Variants in MARCHF1 observed in about 807,000 individuals in gnomAD.
The protein encoded by MARCHF1 is membrane associated ring-CH-type finger 1, also known as E3 ubiquitin-protein ligase MARCHF1.
A neutral mutation model predicts 54.2 loss-of-function variants in MARCHF1; 40 were observed. The ratio of observed to expected loss-of-function variants is 0.74; its 90% CI spans 0.57 to 0.96. The LOEUF (loss-of-function observed/expected upper bound fraction) is 0.96, where lower values mean the gene tolerates loss of function less well. Ranked by LOEUF, MARCHF1 falls within the 40% of genes least tolerant of loss-of-function variation. MARCHF1 has a pLI of 0.00. For synonymous variants in MARCHF1, 236 were observed against 236.3 expected, an observed-to-expected ratio of 1.00 and a Z score of 0.01; for missense variants, 586 against 656.5, an observed-to-expected ratio of 0.89 and a Z score of 1.17.
chr4:164,157,910 AAAAACAACT>A (rs1385269183), intron 1 of MARCHF1, among the ~76,000 whole-genome samples: 1 of 152,172 alleles, frequency 6.6e-6, no homozygotes. Flanking sequence ...ATACACATGA[AAAAACAACT>A]GCAACAACAG....
At chr4:163,706,679 G>T (rs1248578106) in intron 4 of MARCHF1, among the ~76,000 whole-genome samples, 1 of 151,936 alleles carries the variant, frequency 6.6e-6, no homozygotes, top group East Asian at 1.9e-4. Context: ...TGACATATGA[G>T]TAGAATGCAG....
At chr4:163,927,865 G>A (rs185700783) in intron 3 of MARCHF1, among the ~76,000 whole-genome samples, 28 of 151,816 alleles carry the variant, frequency 1.8e-4, no homozygotes, top group Admixed American at 1.2e-3. Context: ...TCACACAAGC[G>A]GAGCTTCATG....
At chr4:164,048,994 G>A (rs547867757) in intron 2 of MARCHF1, among the ~76,000 whole-genome samples, 1 of 152,258 alleles carries the variant, frequency 6.6e-6, no homozygotes, top group South Asian at 2.1e-4. Context: ...ATTTAACACT[G>A]ATAGATGGCA....
At chr4:164,378,542 G>C (rs1437461039) in intron 1 of MARCHF1, among the ~76,000 whole-genome samples, 3 of 152,186 alleles carry the variant, frequency 2.0e-5, no homozygotes, top group South Asian at 2.1e-4. Flanking sequence ...ATCTGGGCTG[G>C]GTGCGGTGGC....
intron 2 of MARCHF1, among the ~76,000 whole-genome samples, chr4:164,080,663 TGTG>T (rs1755076198): frequency 2.0e-5 from 3 of 150,738 alleles, no homozygotes; most frequent in African/African-American, 7.3e-5. Flanking sequence ...TGTGTGTGTG[TGTG>T]TGTGTATATA....
intron 2 of MARCHF1, among the ~76,000 whole-genome samples, chr4:164,028,084 A>G (rs1235026091): frequency 2.0e-5 from 3 of 152,180 alleles, no homozygotes; most frequent in Non-Finnish European, 2.9e-5. Flanking sequence ...GATGCTGAGT[A>G]GACTATGGAG....
intron 2 of MARCHF1, among the ~76,000 whole-genome samples, chr4:164,060,015 T>C (rs11723117): frequency 0.69 from 105,012 of 151,936 alleles, 37,242 homozygotes; most frequent in Non-Finnish European, 0.78. Context: ...GTTTTCTCAT[T>C]TGTAGAATAA....
chr4:164,090,931 A>T (rs776858323), intron 2 of MARCHF1, among the ~76,000 whole-genome samples: 8 of 152,126 alleles, frequency 5.3e-5, no homozygotes, highest in Non-Finnish European at 1.2e-4. Flanking sequence ...GTCTCCAGGA[A>T]ACACATTTGA....
chr4:163,648,681 A>T (rs1393886628), intron 5 of MARCHF1, among the ~76,000 whole-genome samples: 1 of 151,334 alleles, frequency 6.6e-6, no homozygotes, highest in African/African-American at 2.4e-5. Context: ...GGAGCTGAAA[A>T]TTATCATGGA....
intron 4 of MARCHF1, among the ~76,000 whole-genome samples, chr4:163,733,225 G>GTATATATATATATATATATACACA (rs1561047100): frequency 0.031 from 410 of 13,016 alleles, 34 homozygotes; most frequent in African/African-American, 0.077. Context: ...ATATATACAC[G>GTATATATATATATATATATACACA]TGTATATATA....
intron 1 of MARCHF1, among the ~76,000 whole-genome samples, chr4:164,282,719 G>A (rs1734055296): frequency 6.6e-6 from 1 of 151,158 alleles, no homozygotes; most frequent in South Asian, 2.1e-4. Flanking sequence ...TCATAATTTG[G>A]AAATCTGAGA....
chr4:163,785,054 G>A (rs148138658), intron 4 of MARCHF1, among the ~76,000 whole-genome samples: 41 of 152,094 alleles, frequency 2.7e-4, no homozygotes, highest in East Asian at 1.5e-3. Context: ...GGAGAAATGC[G>A]TTTATAGACA....
At chr4:164,168,328 T>C (rs1283647705) in intron 1 of MARCHF1, among the ~76,000 whole-genome samples, 1 of 151,990 alleles carries the variant, frequency 6.6e-6, no homozygotes, top group African/African-American at 2.4e-5. Context: ...TTGGTAGGAA[T>C]GTAGATTGGT....
intron 1 of MARCHF1, among the ~76,000 whole-genome samples, chr4:164,132,047 T>A (rs1294939963): frequency 6.6e-6 from 1 of 152,116 alleles, no homozygotes; most frequent in Admixed American, 6.5e-5. Context: ...GAACAGCCAA[T>A]GGAACAACAT....
chr4:163,810,061 A>T (rs1224791801), intron 4 of MARCHF1, among the ~76,000 whole-genome samples: 1 of 152,160 alleles, frequency 6.6e-6, no homozygotes, highest in African/African-American at 2.4e-5. Flanking sequence ...GACCACCAAG[A>T]TACAACTGGG....
At chr4:164,292,459 C>T (rs1734305771) in intron 1 of MARCHF1, among the ~76,000 whole-genome samples, 1 of 152,088 alleles carries the variant, frequency 6.6e-6, no homozygotes, top group African/African-American at 2.4e-5. Flanking sequence ...GAGGCTGATG[C>T]TTTCTCGATC....
chr4:164,277,124 A>G (rs1032544318), intron 1 of MARCHF1, among the ~76,000 whole-genome samples: 1 of 151,650 alleles, frequency 6.6e-6, no homozygotes, highest in Non-Finnish European at 1.5e-5. Flanking sequence ...AGATATCATC[A>G]TTTTTTTCAG....
chr4:163,587,420 T>C (rs532435134), intron 7 of MARCHF1, among the ~76,000 whole-genome samples: 2 of 152,186 alleles, frequency 1.3e-5, no homozygotes, highest in African/African-American at 2.4e-5. Flanking sequence ...ATTTACGCCA[T>C]GGAATACTAT....
chr4:163,649,788 T>G (rs927650004), intron 5 of MARCHF1, among the ~76,000 whole-genome samples: 1 of 151,158 alleles, frequency 6.6e-6, no homozygotes, highest in African/African-American at 2.4e-5. Context: ...CCTGATACAA[T>G]TGCTGAAGGG....
Sources: gnomAD v4.1 joint callset for allele counts (sites outside exome capture counted in the v4.1 genomes callset) on GRCh38, gnomAD v4.1.1 for gene constraint, MANE v1.5 for transcripts, NCBI Gene and HGNC (gene_info 2026-07-23, HGNC 2026-07-21) for gene names.